The following ANKS1B variants were observed in gnomAD, a reference collection of about 807,000 sequenced individuals.
The protein encoded by ANKS1B is ankyrin repeat and sterile alpha motif domain containing 1B.
In ANKS1B, 36 loss-of-function variants were observed where a neutral mutation model predicts 148.3. The ratio of observed to expected loss-of-function variants is 0.24; its 90% CI spans 0.19 to 0.32. ANKS1B has a LOEUF of 0.32. Among genes scored for constraint, ANKS1B ranks in the 10% least tolerant of loss-of-function variants. ANKS1B has a pLI of 1.00. For missense variants in ANKS1B, 1,157 were observed against 1,542.6 expected, an observed-to-expected ratio of 0.75 and a Z score of 4.19; for synonymous variants, 542 against 560.8, an observed-to-expected ratio of 0.97 and a Z score of 0.47.
chr12:99,246,320 T>C lies in ANKS1B; in HGVS notation c.2301A>G (p.Lys767=). The change falls in exon 13 of 27, where the codon AAA becomes AAG. Residue 767 remains lysine, a synonymous_variant. Transcript: ENST00000683438. ...AGGATGGTGTTCTTTCAGAATTCCC[T>C]TTAGAACTGTGTTCAGCAGTGGAAG... The part of the protein sequence containing the change: ...SESSTAEHSS[K]GNSERTPSFT... The C allele has an allele frequency of 6.2e-7, 1 of 1,609,250 alleles. No homozygotes were observed. The highest frequency in any genetic ancestry group is 1.1e-5 in the South Asian group (1 of 90,080).
At chr12:99,784,733 G>A (rs1244951118) in intron 4 of ANKS1B, among the ~76,000 whole-genome samples, 1 of 152,152 alleles carries the variant, frequency 6.6e-6, no homozygotes, top group Non-Finnish European at 1.5e-5. Context: ...AAATTCCCCT[G>A]TGATTCTGTA....
At chr12:99,522,410 A>G (rs2096883805) in intron 9 of ANKS1B, among the ~76,000 whole-genome samples, 1 of 152,240 alleles carries the variant, frequency 6.6e-6, no homozygotes, top group Non-Finnish European at 1.5e-5. Flanking sequence ...GTACTGCTTC[A>G]AAGTGACTAA....
intron 2 of ANKS1B, among the ~76,000 whole-genome samples, chr12:99,814,383 C>G (rs2153669839): frequency 1.3e-5 from 2 of 151,728 alleles, no homozygotes; most frequent in South Asian, 4.1e-4. Context: ...CCAATAATAG[C>G]ACTTGTCCCA....
At chr12:99,091,108 G>C (rs1392832704) in intron 15 of ANKS1B, among the ~76,000 whole-genome samples, 1 of 152,006 alleles carries the variant, frequency 6.6e-6, no homozygotes, top group Admixed American at 6.6e-5. Flanking sequence ...AGACTATGTG[G>C]ACTATTGATT....
intron 12 of ANKS1B, among the ~76,000 whole-genome samples, chr12:99,301,972 G>A (rs1056517247): frequency 3.3e-5 from 5 of 152,032 alleles, no homozygotes; most frequent in Admixed American, 1.3e-4. Context: ...TATCAGGAAG[G>A]CCAAGCAATT....
chr12:99,444,789 C>A (rs555313547), intron 10 of ANKS1B, among the ~76,000 whole-genome samples: 26 of 152,078 alleles, frequency 1.7e-4, no homozygotes, highest in African/African-American at 6.3e-4. Context: ...AGACAGTTAG[C>A]TGAACTGATT....
At chr12:99,053,031 C>T (rs1005199661) in intron 17 of ANKS1B, 126 bp downstream of exon 17, 60 of 827,632 alleles carry the variant, frequency 7.2e-5, no homozygotes, top group Non-Finnish European at 8.9e-5. Flanking sequence ...TGAGAGAGAT[C>T]GATATTTAAA....
intron 10 of ANKS1B, among the ~76,000 whole-genome samples, chr12:99,496,320 A>G (rs1455474410): frequency 2.6e-5 from 4 of 152,188 alleles, no homozygotes; most frequent in African/African-American, 4.8e-5. Flanking sequence ...TTCATAAGGG[A>G]TTTTACTGCC....
chr12:99,382,574 T>C (rs182315802), intron 12 of ANKS1B, among the ~76,000 whole-genome samples: 12 of 151,900 alleles, frequency 7.9e-5, no homozygotes, highest in African/African-American at 9.7e-5. Flanking sequence ...GGCACATGCC[T>C]GTAGTCCCAG....
intron 9 of ANKS1B, among the ~76,000 whole-genome samples, chr12:99,518,107 T>TGAATTCAG (rs1567256257): frequency 6.6e-6 from 1 of 152,214 alleles, no homozygotes; most frequent in Non-Finnish European, 1.5e-5. Flanking sequence ...AATATATTGT[T>TGAATTCAG]GAATTCAGTT....
intron 12 of ANKS1B, among the ~76,000 whole-genome samples, chr12:99,388,366 A>G (rs2093951600): frequency 1.3e-5 from 2 of 152,204 alleles, no homozygotes; most frequent in Non-Finnish European, 2.9e-5. Context: ...AGAAAATTGC[A>G]TAAGTGGTTA....
At chr12:98,875,589 T>C (rs1225220196) in intron 17 of ANKS1B, among the ~76,000 whole-genome samples, 2 of 152,204 alleles carry the variant, frequency 1.3e-5, no homozygotes, top group African/African-American at 4.8e-5. Flanking sequence ...CTGGTTTCTT[T>C]CTTTCCACTC....
intron 2 of ANKS1B, among the ~76,000 whole-genome samples, chr12:99,813,384 A>T (rs1314699193): frequency 2.0e-5 from 3 of 151,214 alleles, no homozygotes; most frequent in African/African-American, 7.3e-5. Flanking sequence ...ACATAAATAA[A>T]AATATATATA....
intron 17 of ANKS1B, among the ~76,000 whole-genome samples, chr12:99,038,129 A>G (rs959592835): frequency 3.9e-5 from 6 of 152,326 alleles, no homozygotes; most frequent in East Asian, 1.9e-4. Context: ...AATGATTATC[A>G]GTAGAATCAT....
At chr12:99,031,345 G>A (rs184712023) in intron 17 of ANKS1B, among the ~76,000 whole-genome samples, 2 of 152,166 alleles carry the variant, frequency 1.3e-5, no homozygotes, top group African/African-American at 4.8e-5. Flanking sequence ...CTTTCCTGAG[G>A]ACTCACTGTT....
At chr12:99,162,489 T>C (rs1289365934) in intron 14 of ANKS1B, among the ~76,000 whole-genome samples, 1 of 152,158 alleles carries the variant, frequency 6.6e-6, no homozygotes, top group African/African-American at 2.4e-5. Flanking sequence ...GTTTTAGTGC[T>C]CTGGGTTTTT....
intron 9 of ANKS1B, among the ~76,000 whole-genome samples, chr12:99,533,769 G>A (rs977831446): frequency 6.6e-6 from 1 of 152,092 alleles, no homozygotes; most frequent in African/African-American, 2.4e-5. Flanking sequence ...ATTTGTGTGT[G>A]TGTGCACGCT....
At chr12:98,782,675 T>G (rs891634091) in intron 22 of ANKS1B, among the ~76,000 whole-genome samples, 2 of 152,176 alleles carry the variant, frequency 1.3e-5, no homozygotes, top group Non-Finnish European at 2.9e-5. Flanking sequence ...ACAACATCTT[T>G]TTGAGAGTTA....
At chr12:99,788,782 C>T (rs2065285069) in intron 4 of ANKS1B, among the ~76,000 whole-genome samples, 1 of 152,098 alleles carries the variant, frequency 6.6e-6, no homozygotes, top group Non-Finnish European at 1.5e-5. Context: ...CATAAGCTGA[C>T]AAAAGAGCCC....
Sources: gnomAD v4.1 joint callset for allele counts (sites outside exome capture counted in the v4.1 genomes callset) on GRCh38, gnomAD v4.1.1 for gene constraint, MANE v1.5 for transcripts, NCBI Gene and HGNC (gene_info 2026-07-23, HGNC 2026-07-21) for gene names.